Variants in NTM observed in about 807,000 individuals in gnomAD.
The protein encoded by NTM is neurotrimin, also known as IgLON family member 2.
NTM carries 13 observed loss-of-function variants against 42.1 expected under a neutral mutation model. The ratio of observed to expected loss-of-function variants is 0.31; its 90% CI spans 0.20 to 0.49. The LOEUF (loss-of-function observed/expected upper bound fraction) is 0.49, where lower values mean the gene tolerates loss of function less well. NTM is among the 20% of genes least tolerant of loss of function. NTM has a pLI of 0.99. For missense variants in NTM, 373 were observed against 452.8 expected, an observed-to-expected ratio of 0.82 and a Z score of 1.60; for synonymous variants, 187 against 179.2, an observed-to-expected ratio of 1.04 and a Z score of -0.35.
At chr11:131,999,880 C>T (rs1341164572) in intron 2 of NTM, among the ~76,000 whole-genome samples, 1 of 152,214 alleles carries the variant, frequency 6.6e-6, no homozygotes, top group Non-Finnish European at 1.5e-5. Flanking sequence ...CTTTATACAT[C>T]TCTGGCTATA....
At chr11:132,314,114 C>T (rs529801187) in intron 6 of NTM, among the ~76,000 whole-genome samples, 1 of 149,540 alleles carries the variant, frequency 6.7e-6, no homozygotes, top group Admixed American at 6.6e-5. Flanking sequence ...TTTCAAATTC[C>T]TCAGGTGGCT....
chr11:131,453,438 G>A (rs1468400277), intron 1 of NTM, among the ~76,000 whole-genome samples: 1 of 152,036 alleles, frequency 6.6e-6, no homozygotes, highest in African/African-American at 2.4e-5. Flanking sequence ...TATGAATTAG[G>A]CCACAAGTAT....
intron 1 of NTM, among the ~76,000 whole-genome samples, chr11:131,500,569 A>G (rs1591841252): frequency 1.7e-5 from 1 of 58,092 alleles, no homozygotes; most frequent in African/African-American, 7.7e-5. Context: ...ATATATATAT[A>G]TATATATATT....
chr11:132,066,831 C>T (rs1213216698), intron 2 of NTM, among the ~76,000 whole-genome samples: 1 of 152,166 alleles, frequency 6.6e-6, no homozygotes, highest in Non-Finnish European at 1.5e-5. Context: ...ATCTTCCCAT[C>T]TATGGATCCT....
At chr11:131,549,664 C>T (rs1304369253) in intron 1 of NTM, among the ~76,000 whole-genome samples, 1 of 152,188 alleles carries the variant, frequency 6.6e-6, no homozygotes, top group Admixed American at 6.5e-5. Flanking sequence ...AGCTCTTTGC[C>T]CCATGTGTTC....
chr11:131,584,628 T>C (rs994543209), intron 1 of NTM, among the ~76,000 whole-genome samples: 1 of 152,260 alleles, frequency 6.6e-6, no homozygotes, highest in African/African-American at 2.4e-5. Context: ...TTATTTTTTA[T>C]TTGAAAAATG....
intron 2 of NTM, among the ~76,000 whole-genome samples, chr11:132,112,428 A>C (rs1027992273): frequency 2.6e-5 from 4 of 152,200 alleles, no homozygotes; most frequent in Non-Finnish European, 4.4e-5. Flanking sequence ...CTTAGTAAAT[A>C]ATGAGAAGTC....
chr11:131,371,537 A>G (rs1292173183), intron 1 of NTM, among the ~76,000 whole-genome samples: 1 of 152,086 alleles, frequency 6.6e-6, no homozygotes, highest in Admixed American at 6.5e-5. Context: ...AAGCTTTTCG[A>G]AGTTGAAGGG....
At chr11:131,967,053 T>G (rs908736568) in intron 2 of NTM, among the ~76,000 whole-genome samples, 6 of 152,174 alleles carry the variant, frequency 3.9e-5, no homozygotes, top group African/African-American at 1.4e-4. Flanking sequence ...GGCTATGATG[T>G]GGGCAAAGCA....
intron 4 of NTM, among the ~76,000 whole-genome samples, chr11:132,229,943 A>G (rs896203394): frequency 6.6e-6 from 1 of 152,252 alleles, no homozygotes. Flanking sequence ...CATATAGGCA[A>G]GAGAGCAGCA....
intron 4 of NTM, among the ~76,000 whole-genome samples, chr11:132,266,943 TAG>T (rs779659695): frequency 3.3e-5 from 5 of 152,220 alleles, no homozygotes; most frequent in Admixed American, 6.5e-5. Context: ...CTACAAGCAT[TAG>T]AGGTTGTTAG....
chr11:131,652,527 C>A (rs1476087927), intron 1 of NTM, among the ~76,000 whole-genome samples: 1 of 152,220 alleles, frequency 6.6e-6, no homozygotes, highest in Non-Finnish European at 1.5e-5. Context: ...CTCACTCTCA[C>A]AGTTGATGTT....
intron 1 of NTM, among the ~76,000 whole-genome samples, chr11:131,702,677 T>C (rs2076195986): frequency 6.6e-6 from 1 of 152,242 alleles, no homozygotes; most frequent in Non-Finnish European, 1.5e-5. Context: ...CAAGTGACTA[T>C]TGTTTTAAGG....
At chr11:131,629,745 C>T (rs888389733) in intron 1 of NTM, among the ~76,000 whole-genome samples, 3 of 152,196 alleles carry the variant, frequency 2.0e-5, no homozygotes, top group African/African-American at 7.2e-5. Context: ...CCATTACACT[C>T]ACACTTGGTG....
chr11:132,164,438 T>C (rs1032953320), intron 3 of NTM, among the ~76,000 whole-genome samples: 8 of 152,166 alleles, frequency 5.3e-5, no homozygotes, highest in Admixed American at 2.0e-4. Flanking sequence ...ATGGCAATAG[T>C]CAGTAACATC....
At chr11:131,472,487 ATG>A (rs907868919) in intron 1 of NTM, among the ~76,000 whole-genome samples, 1 of 151,952 alleles carries the variant, frequency 6.6e-6, no homozygotes, top group Non-Finnish European at 1.5e-5. Flanking sequence ...ATGTGTGTGA[ATG>A]TGTGTGTGTG....
chr11:132,333,077 C>T (rs1042483467), intron 8 of NTM, among the ~76,000 whole-genome samples: 4 of 152,126 alleles, frequency 2.6e-5, no homozygotes, highest in South Asian at 2.1e-4. Flanking sequence ...TGTCCCCTGC[C>T]GGGAGTTAAG....
At chr11:132,041,399 TTA>T (rs2077185094) in intron 2 of NTM, among the ~76,000 whole-genome samples, 1 of 152,156 alleles carries the variant, frequency 6.6e-6, no homozygotes, top group Non-Finnish European at 1.5e-5. Flanking sequence ...TGAAGAATGT[TTA>T]TGAGACTCAC....
At chr11:132,248,897 G>C (rs1729483169) in intron 4 of NTM, among the ~76,000 whole-genome samples, 1 of 152,194 alleles carries the variant, frequency 6.6e-6, no homozygotes, top group African/African-American at 2.4e-5. Flanking sequence ...TGGTGGTCAG[G>C]GACTTCTTTC....
Sources: gnomAD v4.1 joint callset for allele counts (sites outside exome capture counted in the v4.1 genomes callset) on GRCh38, gnomAD v4.1.1 for gene constraint, MANE v1.5 for transcripts, NCBI Gene and HGNC (gene_info 2026-07-23, HGNC 2026-07-21) for gene names.